Variants in COBL observed in about 807,000 individuals in gnomAD.
The protein encoded by COBL is protein cordon-bleu.
COBL carries 51 observed loss-of-function variants against 98.8 expected under a neutral mutation model. The observed-to-expected ratio is 0.52, with a 90% confidence interval of 0.41 to 0.65. The LOEUF (loss-of-function observed/expected upper bound fraction) is 0.65. Among genes scored for constraint, COBL ranks in the 30% least tolerant of loss-of-function variants. The pLI is 0.00. For synonymous variants in COBL, 634 were observed against 651.7 expected (o/e 0.97, Z 0.41); for missense variants, 1,617 against 1,617.5 (o/e 1.00, Z 0.01).
intron 1 of COBL, among the ~76,000 whole-genome samples, chr7:51,224,001 C>T (rs1584232842): frequency 6.6e-6 from 1 of 152,164 alleles, no homozygotes; most frequent in South Asian, 2.1e-4. Context: ...GACTGTAATA[C>T]CTTTCCTATG....
At chr7:51,164,142 G>T (rs1385466764) in intron 5 of COBL, among the ~76,000 whole-genome samples, 1 of 151,856 alleles carries the variant, frequency 6.6e-6, no homozygotes, top group Non-Finnish European at 1.5e-5. Flanking sequence ...ATTCAAGAGG[G>T]TTTTTTGTTT....
intron 1 of COBL, among the ~76,000 whole-genome samples, chr7:51,289,898 T>G (rs1800725287): frequency 6.6e-6 from 1 of 152,216 alleles, no homozygotes; most frequent in South Asian, 2.1e-4. Context: ...CAGATTTGCT[T>G]TCATGGCTGA....
chr7:51,172,448 G>A, intron 5 of COBL: 1 of 1,286,492 alleles, frequency 7.8e-7, no homozygotes, highest in Non-Finnish European at 1.0e-6. Context: ...TGGGGCATTA[G>A]TACTCACGTT....
intron 7 of COBL, among the ~76,000 whole-genome samples, chr7:51,048,582 A>G (rs1352037112): frequency 1.3e-5 from 2 of 151,550 alleles, no homozygotes; most frequent in Non-Finnish European, 2.9e-5. Flanking sequence ...ACTTATTTCC[A>G]TTTCACTACC....
chr7:51,073,278 GA>G, intron 7 of COBL: 2 of 631,390 alleles, frequency 3.2e-6, no homozygotes, highest in Non-Finnish European at 5.8e-6. Context: ...AGAACAACAG[GA>G]AAATCAGAGC....
chr7:51,127,475 T>A (rs376428440), intron 6 of COBL, among the ~76,000 whole-genome samples: 1 of 152,098 alleles, frequency 6.6e-6, no homozygotes, highest in Non-Finnish European at 1.5e-5. Context: ...CTGGGGAGGG[T>A]GCAGGTTCCT....
chr7:51,097,935 A>T (rs1439225668), intron 6 of COBL, among the ~76,000 whole-genome samples: 1 of 151,552 alleles, frequency 6.6e-6, no homozygotes, highest in Non-Finnish European at 1.5e-5. Flanking sequence ...GAGGCAGGAG[A>T]ATGGCATGAA....
chr7:51,308,814 G>C (rs1004523387), intron 1 of COBL, among the ~76,000 whole-genome samples: 26 of 152,320 alleles, frequency 1.7e-4, no homozygotes, highest in African/African-American at 5.8e-4. Flanking sequence ...AAGGAGAACA[G>C]AGACATCATA....
At chr7:51,066,385 T>C (rs1371201320) in intron 7 of COBL, among the ~76,000 whole-genome samples, 3 of 152,058 alleles carry the variant, frequency 2.0e-5, no homozygotes, top group East Asian at 1.9e-4. Context: ...CCTGGGGAGA[T>C]ATGAGCAGGG....
At chr7:51,277,183 A>G (rs116704845) in intron 1 of COBL, among the ~76,000 whole-genome samples, 297 of 152,282 alleles carry the variant, frequency 2.0e-3, no homozygotes, top group African/African-American at 7.0e-3. Context: ...ACGGCCACAC[A>G]TGCGCAGGGA....
intron 6 of COBL, among the ~76,000 whole-genome samples, chr7:51,087,062 T>C (rs139236951): frequency 1.7e-3 from 254 of 151,954 alleles, no homozygotes; most frequent in Middle Eastern, 6.8e-3. Context: ...ATGTTAGGTA[T>C]TGGCATCTAC....
chr7:51,082,967 A>G, intron 7 of COBL: 2 of 1,226,336 alleles, frequency 1.6e-6, no homozygotes, highest in Non-Finnish European at 2.3e-6. Context: ...TCCAAAGACA[A>G]GAATGGAAAA....
At chr7:51,283,202 A>G (rs1055915850) in intron 1 of COBL, among the ~76,000 whole-genome samples, 3 of 152,202 alleles carry the variant, frequency 2.0e-5, no homozygotes, top group African/African-American at 7.2e-5. Context: ...AATGACCACA[A>G]AAGATTTTTT....
At chr7:51,244,494 TAGAG>T (rs67843505) in intron 1 of COBL, among the ~76,000 whole-genome samples, 1 of 151,906 alleles carries the variant, frequency 6.6e-6, no homozygotes, top group Admixed American at 6.6e-5. Flanking sequence ...TGGCCACAGA[TAGAG>T]AGAGTTGTGT....
intron 5 of COBL, among the ~76,000 whole-genome samples, chr7:51,152,438 C>G (rs1156368981): frequency 6.6e-6 from 1 of 152,228 alleles, no homozygotes; most frequent in Non-Finnish European, 1.5e-5. Context: ...AACCCCCAAG[C>G]TGCCGACTCC....
At chr7:51,294,643 CAA>C (rs3047621) in intron 1 of COBL, among the ~76,000 whole-genome samples, 4 of 80,574 alleles carry the variant, frequency 5.0e-5, no homozygotes, top group East Asian at 4.8e-4. Context: ...AACTCCATCT[CAA>C]AAAAAAAAAA....
chr7:51,043,881 T>G (rs545020889), intron 7 of COBL, among the ~76,000 whole-genome samples, 189 bp from the exon 8 acceptor site: 34 of 152,352 alleles, frequency 2.2e-4, no homozygotes, highest in African/African-American at 7.9e-4. Flanking sequence ...GAGTCATTTG[T>G]GTAAGATTGA....
intron 6 of COBL, among the ~76,000 whole-genome samples, chr7:51,122,135 T>C (rs767479363): frequency 4.6e-5 from 7 of 152,204 alleles, no homozygotes; most frequent in African/African-American, 9.6e-5. Flanking sequence ...GTGTTAAAAA[T>C]ACTTAAGACT....
At chr7:51,202,304 C>T in intron 2 of COBL, among the ~76,000 whole-genome samples, 1 of 152,142 alleles carries the variant, frequency 6.6e-6, no homozygotes, top group Admixed American at 6.5e-5. Context: ...GATATTCATG[C>T]TAGTTTTGCA....
Sources: allele counts gnomAD v4.1 joint callset (sites outside exome capture counted in the v4.1 genomes callset), GRCh38; gene constraint gnomAD v4.1.1; transcripts MANE v1.5; gene names NCBI Gene and HGNC (gene_info 2026-07-23, HGNC 2026-07-21).